The following DLGAP4 variants were observed in gnomAD, a reference collection of about 807,000 sequenced individuals.
The protein encoded by DLGAP4 is disks large-associated protein 4.
A neutral mutation model predicts 86.9 loss-of-function variants in DLGAP4; 18 were observed. That is an observed-to-expected ratio of 0.21 (90% CI 0.14 to 0.31). The LOEUF is 0.31. Ranked by LOEUF, DLGAP4 falls within the 10% of genes least tolerant of loss-of-function variation. The probability of loss-of-function intolerance (pLI) is 1.00; values close to 1 mark genes in which losing one functional copy is unlikely to be tolerated. For synonymous variants in DLGAP4, 548 were observed against 574.3 expected (o/e 0.95, Z 0.65); for missense variants, 1,085 against 1,362.6 (o/e 0.80, Z 3.21).
chr20:36,436,377 T>C (rs1436029271), intron 4 of DLGAP4, 27 bp downstream of exon 4: 11 of 1,563,658 alleles, frequency 7.0e-6, no homozygotes, highest in African/African-American at 1.4e-5. Flanking sequence ...ACCCTTACGG[T>C]CCCGCCCAGA....
At chr20:36,509,698 TATG>T in intron 10 of DLGAP4, among the ~76,000 whole-genome samples, 1 of 152,166 alleles carries the variant, frequency 6.6e-6, no homozygotes, top group South Asian at 2.1e-4. Context: ...TATAGTGAGG[TATG>T]ATTGTGCCAC....
At chr20:36,434,546 G>A (rs1029783890) in intron 3 of DLGAP4, among the ~76,000 whole-genome samples, 4 of 152,164 alleles carry the variant, frequency 2.6e-5, no homozygotes, top group Non-Finnish European at 4.4e-5. Context: ...TGGAGTCTGT[G>A]CTGCCTGCTT....
At chr20:36,467,173 A>T (rs960504942) in intron 7 of DLGAP4, among the ~76,000 whole-genome samples, 1 of 152,138 alleles carries the variant, frequency 6.6e-6, no homozygotes. Context: ...ATGGTCTGAC[A>T]AGAAGACAAG....
intron 1 of DLGAP4, among the ~76,000 whole-genome samples, chr20:36,307,962 C>CCTGGTCCCAGGGTGGGGCTGCAGAG (rs2065019953): frequency 6.6e-6 from 1 of 152,232 alleles, no homozygotes; most frequent in Admixed American, 6.5e-5. Context: ...CACTGGGCTG[C>CCTGGTCCCAGGGTGGGGCTGCAGAG]CTGGTCCCAG....
intron 1 of DLGAP4, among the ~76,000 whole-genome samples, chr20:36,323,714 A>G (rs2065191441): frequency 6.6e-6 from 1 of 152,228 alleles, no homozygotes; most frequent in South Asian, 2.1e-4. Flanking sequence ...GACTGGTTTC[A>G]TGGAAGACAA....
In DLGAP4 at chr20:36,362,645, C is replaced by T. The variant is rs115343380; in HGVS notation, c.-303-4400C>T. ...CAATGAAGTATTCACGGAGCACCTCCATGTGCCAGGTACAGCGTGTGGCAA... is the reference window on the plus strand; with the variant it reads ...CAATGAAGTATTCACGGAGCACCTCTATGTGCCAGGTACAGCGTGTGGCAA... On this transcript the variant is annotated intron_variant, in intron 1 of 12. Coordinates refer to ENST00000339266, the MANE Select transcript of DLGAP4 (RefSeq NM_001365621.2). Among the ~76,000 whole-genome samples, 498 of 152,344 alleles carry T rather than the reference C, an allele frequency of 3.3e-3. 4 individuals are homozygous for T. The highest frequency in any genetic ancestry group is 0.012 in the African/African-American group (483 of 41,572).
rs979438609 is a variant in DLGAP4, at chr20:36,446,971, C to A, written c.1648+34C>A. 3.8e-6 allele frequency: 6 copies of A among 1,570,076 alleles called. No homozygotes were observed. The African/African-American group carries it at 5.4e-5, about 14-fold the overall frequency. ...TGTGATGAGGGAAGGGGTTTTTTTT[C>A]TTTTCAAGGGGACCCCAAGGACCAT... On this transcript the variant is annotated intron_variant, in intron 7 of 12. Coordinates refer to ENST00000339266, the MANE Select transcript of DLGAP4 (RefSeq NM_001365621.2).
intron 7 of DLGAP4, among the ~76,000 whole-genome samples, chr20:36,489,808 T>G (rs1031149872): frequency 2.0e-5 from 3 of 151,128 alleles, no homozygotes; most frequent in Non-Finnish European, 4.4e-5. Flanking sequence ...GGGCTGCCAG[T>G]CCCTCTTGCT....
intron 11 of DLGAP4, 97 bp downstream of exon 11, chr20:36,524,438 AACAC>A (rs1398940603): frequency 3.0e-6 from 3 of 1,001,562 alleles, no homozygotes; most frequent in Admixed American, 4.8e-5. Context: ...CCTCCTCTGT[AACAC>A]ACACAGCGCG....
intron 1 of DLGAP4, among the ~76,000 whole-genome samples, chr20:36,343,826 G>A (rs1267315822): frequency 1.3e-5 from 2 of 152,238 alleles, no homozygotes; most frequent in Non-Finnish European, 2.9e-5. Context: ...TCAGATGCCT[G>A]CTGGCAAGGG....
intron 1 of DLGAP4, among the ~76,000 whole-genome samples, chr20:36,325,593 A>G (rs1255880156): frequency 2.0e-5 from 3 of 152,130 alleles, no homozygotes; most frequent in African/African-American, 7.2e-5. Flanking sequence ...TTACATTCCT[A>G]TCACTTTTTG....
chr20:36,481,473 C>T (rs1019801972), intron 7 of DLGAP4, among the ~76,000 whole-genome samples: 8 of 152,210 alleles, frequency 5.3e-5, no homozygotes, highest in African/African-American at 1.2e-4. Context: ...ATGTGTCACA[C>T]GCCCCGTTTG....
At chr20:36,390,183 G>T (rs2031738313) in intron 2 of DLGAP4, among the ~76,000 whole-genome samples, 1 of 152,240 alleles carries the variant, frequency 6.6e-6, no homozygotes, top group Non-Finnish European at 1.5e-5. Flanking sequence ...GCTGAGTAAG[G>T]CTCTGACCCC....
chr20:36,455,538 C>T (rs2033858225), intron 7 of DLGAP4, among the ~76,000 whole-genome samples: 1 of 152,106 alleles, frequency 6.6e-6, no homozygotes, highest in Non-Finnish European at 1.5e-5. Flanking sequence ...GGGATGGGCT[C>T]CAGGCCTGGG....
rs145541855 is a variant in DLGAP4 at position 36,446,936 on chromosome 20, G to A, written c.1647G>A (p.Pro549=). Residue 549 remains proline (P), a splice_region_variant and synonymous_variant, in exon 7 of 13, where the codon CCG becomes CCA. Coordinates refer to ENST00000339266, the MANE Select transcript of DLGAP4 (RefSeq NM_001365621.2). ...TGSLSNSRTL[P]SSSCLVAYKK... The stretch of plus-strand genomic sequence containing the variant: ...GCCTCAGCAATAGTCGCACGCTTCC[G>A]AGTGAGTACTGTGATGAGGGAAGGG... 0.015 allele frequency: 24,337 copies of A among 1,606,570 alleles called. 256 individuals are homozygous for A. The highest frequency in any genetic ancestry group is 0.018 in the Non-Finnish European group (21,659 of 1,174,550).
rs549860432 is a variant in DLGAP4 at position 36,391,948 on chromosome 20, G to A, written c.-73+24673G>A. 9.1e-4 allele frequency among the ~76,000 whole-genome samples: 138 copies of A among 152,334 alleles called. 4 individuals are homozygous for A. The South Asian group carries it at 0.028, about 30-fold the overall frequency. On this transcript the variant is annotated intron_variant, in intron 2 of 12. Coordinates refer to ENST00000339266, the MANE Select transcript of DLGAP4 (RefSeq NM_001365621.2). The stretch of plus-strand genomic sequence containing the variant: ...TCACGGGTCACCCTTGAGGGGAGGC[G>A]GCTTAAGGCTTGTCCTTTTGGAGGA...
chr20:36,339,088 G>A (rs1449813747), intron 1 of DLGAP4, among the ~76,000 whole-genome samples: 1 of 152,120 alleles, frequency 6.6e-6, no homozygotes, highest in Non-Finnish European at 1.5e-5. Flanking sequence ...AATATGATCT[G>A]GTGTGCATTC....
intron 10 of DLGAP4, among the ~76,000 whole-genome samples, chr20:36,504,990 CTTTTT>C (rs757067668): frequency 7.1e-6 from 1 of 140,232 alleles, no homozygotes; most frequent in African/African-American, 2.6e-5. Flanking sequence ...CACACAGGTT[CTTTTT>C]TTTTTTTTTT....
At chr20:36,421,909 G>A (rs191450454) in intron 2 of DLGAP4, among the ~76,000 whole-genome samples, 80 of 152,274 alleles carry the variant, frequency 5.3e-4, no homozygotes, top group African/African-American at 1.6e-3. Context: ...GATAGGTGGT[G>A]TTTAAGGCCA....
Sources: allele counts gnomAD v4.1 joint callset (sites outside exome capture counted in the v4.1 genomes callset), GRCh38; gene constraint gnomAD v4.1.1; transcripts MANE v1.5; gene names NCBI Gene and HGNC (gene_info 2026-07-23, HGNC 2026-07-21).